Variants in PCDH9 observed in about 807,000 individuals in gnomAD.
PCDH9 encodes the protein protocadherin 9.
A neutral mutation model predicts 70.6 loss-of-function variants in PCDH9; 24 were observed. The observed-to-expected ratio is 0.34, with a 90% CI of 0.25 to 0.48. PCDH9 has a LOEUF of 0.48. Ranked by LOEUF, PCDH9 falls within the 20% of genes least tolerant of loss-of-function variation. PCDH9 has a pLI of 0.99. For missense variants in PCDH9, 1,281 were observed against 1,503.6 expected (o/e 0.85, Z 2.45); for synonymous variants, 562 against 558.5 (o/e 1.01, Z -0.09).
intron 2 of PCDH9, among the ~76,000 whole-genome samples, chr13:67,175,760 C>G (rs998328522): frequency 6.6e-6 from 1 of 152,044 alleles, no homozygotes; most frequent in Non-Finnish European, 1.5e-5. Context: ...CTAAACTCAC[C>G]TAAAACTCAT....
chr13:66,524,093 G>C (rs1386091515), intron 4 of PCDH9, among the ~76,000 whole-genome samples: 1 of 151,904 alleles, frequency 6.6e-6, no homozygotes, highest in Non-Finnish European at 1.5e-5. Context: ...GCTTTAATGA[G>C]TTCATGATTA....
intron 3 of PCDH9, among the ~76,000 whole-genome samples, chr13:66,878,282 A>T (rs1321292257): frequency 3.3e-5 from 5 of 151,930 alleles, no homozygotes; most frequent in Admixed American, 3.3e-4. Flanking sequence ...GCTGGAGTGT[A>T]GGGGCATGAT....
intron 2 of PCDH9, among the ~76,000 whole-genome samples, chr13:66,958,112 C>A (rs1028278949): frequency 2.0e-5 from 3 of 151,938 alleles, no homozygotes; most frequent in Non-Finnish European, 4.4e-5. Flanking sequence ...GAAGAGGCAC[C>A]CCAATTTGAG....
intron 3 of PCDH9, among the ~76,000 whole-genome samples, chr13:66,709,651 A>G (rs951410466): frequency 6.6e-6 from 1 of 152,230 alleles, no homozygotes; most frequent in African/African-American, 2.4e-5. Context: ...AACTGTGTTG[A>G]GTCAAGAAAA....
At chr13:66,882,583 ATGTAAGTAT>A (rs2081939616) in intron 3 of PCDH9, among the ~76,000 whole-genome samples, 2 of 152,164 alleles carry the variant, frequency 1.3e-5, no homozygotes, top group Non-Finnish European at 2.9e-5. Context: ...AATGTCATAT[ATGTAAGTAT>A]AATTTACCCT....
chr13:66,353,375 G>A (rs117266889), intron 4 of PCDH9, among the ~76,000 whole-genome samples: 1,793 of 152,282 alleles, frequency 0.012, 28 homozygotes, highest in South Asian at 0.041. Context: ...CTAGCAGGCG[G>A]TAGATAGTTC....
chr13:66,327,741 G>A (rs1955872564), intron 4 of PCDH9, among the ~76,000 whole-genome samples: 1 of 152,118 alleles, frequency 6.6e-6, no homozygotes, highest in Admixed American at 6.5e-5. Context: ...GATGCATTAT[G>A]AGGCTATTTG....
At position 66,685,706 on chromosome 13, in the gene PCDH9, G is replaced by A. The variant is rs368652207; in HGVS notation, c.3139-54295C>T. On this transcript the variant is annotated intron_variant, in intron 3 of 4. Transcript: ENST00000377865. ...CTATACCCTACAAAATCATGTGGGT[G>A]GAGCTGCCCAAGGCCATGGAAGCCC... Among the ~76,000 whole-genome samples the A allele has an allele frequency of 9.7e-4, 148 of 152,304 alleles. 6 individuals carry two copies. In the South Asian group the frequency reaches 0.03, roughly 31 times the overall value.
intron 2 of PCDH9, among the ~76,000 whole-genome samples, chr13:67,118,629 A>G (rs1389743577): frequency 6.6e-6 from 1 of 152,148 alleles, no homozygotes; most frequent in African/African-American, 2.4e-5. Context: ...AGCAAGGTAA[A>G]ACATACACAT....
At chr13:66,943,878 G>A (rs867473740) in intron 2 of PCDH9, among the ~76,000 whole-genome samples, 4 of 152,152 alleles carry the variant, frequency 2.6e-5, no homozygotes, top group Middle Eastern at 3.4e-3. Context: ...ATAAAAATGT[G>A]ATTTGGATAC....
chr13:66,987,157 C>T (rs1199523887), intron 2 of PCDH9, among the ~76,000 whole-genome samples: 2 of 151,876 alleles, frequency 1.3e-5, no homozygotes, highest in Non-Finnish European at 2.9e-5. Flanking sequence ...AAAATTGGCT[C>T]TGATTTAGAT....
At chr13:66,761,985 A>AT (rs538851702) in intron 3 of PCDH9, among the ~76,000 whole-genome samples, 2 of 151,318 alleles carry the variant, frequency 1.3e-5, no homozygotes, top group Non-Finnish European at 2.9e-5. Flanking sequence ...TTGAAAAAAC[A>AT]TTTTTTCCAG....
At chr13:66,559,833 TACAC>T (rs56660850) in intron 4 of PCDH9, among the ~76,000 whole-genome samples, 2 of 87,118 alleles carry the variant, frequency 2.3e-5, no homozygotes, top group African/African-American at 8.3e-5. Context: ...TATATATATA[TACAC>T]ACACACACAC....
intron 3 of PCDH9, among the ~76,000 whole-genome samples, chr13:66,708,168 G>A (rs368097168): frequency 2.8e-3 from 417 of 150,762 alleles, no homozygotes; most frequent in Middle Eastern, 0.014. Flanking sequence ...TCCTGCCTCA[G>A]CCTCCCAAGT....
intron 2 of PCDH9, among the ~76,000 whole-genome samples, chr13:66,916,370 G>T (rs562312054): frequency 9.2e-5 from 14 of 151,582 alleles, no homozygotes; most frequent in African/African-American, 2.4e-4. Context: ...TTAATAGGGG[G>T]AAGAAAACTT....
At chr13:66,887,053 AC>A in intron 3 of PCDH9, among the ~76,000 whole-genome samples, 1 of 151,250 alleles carries the variant, frequency 6.6e-6, no homozygotes, top group East Asian at 1.9e-4. Context: ...ACACACACAC[AC>A]ACACACACAC....
chr13:66,380,533 G>A (rs1479907968), intron 4 of PCDH9, among the ~76,000 whole-genome samples: 1 of 125,190 alleles, frequency 8.0e-6, no homozygotes, highest in African/African-American at 2.9e-5. Flanking sequence ...AATAGATCTT[G>A]TCCTTTTTTT....
chr13:67,060,190 G>A (rs1026182124), intron 2 of PCDH9, among the ~76,000 whole-genome samples: 14 of 152,104 alleles, frequency 9.2e-5, no homozygotes, highest in African/African-American at 2.2e-4. Context: ...GTCTGAGCCC[G>A]GCTTGGCACT....
chr13:67,085,713 A>G (rs1216281340), intron 2 of PCDH9, among the ~76,000 whole-genome samples: 4 of 152,204 alleles, frequency 2.6e-5, no homozygotes, highest in African/African-American at 7.2e-5. Flanking sequence ...GTGGCTAACA[A>G]GCAATATTCC....
Sources: gnomAD v4.1 joint callset for allele counts (sites outside exome capture counted in the v4.1 genomes callset) on GRCh38, gnomAD v4.1.1 for gene constraint, MANE v1.5 for transcripts, NCBI Gene and HGNC (gene_info 2026-07-23, HGNC 2026-07-21) for gene names.